The following NKAIN2 variants were observed in gnomAD, a reference collection of about 807,000 sequenced individuals.
NKAIN2 encodes sodium/potassium-transporting ATPase subunit beta-1-interacting protein 2.
In NKAIN2, 14 loss-of-function variants were observed where a neutral mutation model predicts 32.6. The observed-to-expected ratio is 0.43, with a 90% CI of 0.28 to 0.67. The LOEUF (loss-of-function observed/expected upper bound fraction) is 0.67, where lower values mean the gene tolerates loss of function less well. Ranked by LOEUF, NKAIN2 falls within the 30% of genes least tolerant of loss-of-function variation. The pLI is 0.17. For synonymous variants in NKAIN2, 80 were observed against 87.2 expected, an observed-to-expected ratio of 0.92 and a Z score of 0.46; for missense variants, 198 against 258.3, an observed-to-expected ratio of 0.77 and a Z score of 1.60.
At chr6:123,968,269 G>A (rs1053337397) in intron 1 of NKAIN2, among the ~76,000 whole-genome samples, 4 of 152,144 alleles carry the variant, frequency 2.6e-5, no homozygotes, top group African/African-American at 9.7e-5. Context: ...CCAGGGGGAC[G>A]GCTTTTCTGG....
chr6:124,484,297 G>C (rs500996), intron 3 of NKAIN2, among the ~76,000 whole-genome samples: 2 of 152,006 alleles, frequency 1.3e-5, no homozygotes, highest in Non-Finnish European at 2.9e-5. Context: ...TGAACTTGGG[G>C]TTCAACAACC....
At chr6:124,772,975 A>C (rs1778828742) in intron 4 of NKAIN2, among the ~76,000 whole-genome samples, 1 of 150,188 alleles carries the variant, frequency 6.7e-6, no homozygotes, top group African/African-American at 2.5e-5. Context: ...AGAAAGAAAA[A>C]GAACCCAAAA....
At chr6:123,858,033 A>G (rs906881368) in intron 1 of NKAIN2, among the ~76,000 whole-genome samples, 2 of 152,230 alleles carry the variant, frequency 1.3e-5, no homozygotes, top group Non-Finnish European at 2.9e-5. Context: ...TATGAAACTG[A>G]TAAAACTATC....
At chr6:124,628,856 A>G (rs1296189017) in intron 3 of NKAIN2, among the ~76,000 whole-genome samples, 2 of 152,168 alleles carry the variant, frequency 1.3e-5, no homozygotes, top group East Asian at 3.9e-4. Context: ...AAAATAATAA[A>G]CATATCTTTA....
intron 3 of NKAIN2, among the ~76,000 whole-genome samples, chr6:124,363,857 T>C (rs1799400815): frequency 6.6e-6 from 1 of 152,092 alleles, no homozygotes; most frequent in Non-Finnish European, 1.5e-5. Context: ...CAATTGAAAA[T>C]TATTACAGAT....
chr6:124,309,493 T>C (rs942490806), intron 2 of NKAIN2, among the ~76,000 whole-genome samples: 6 of 152,162 alleles, frequency 3.9e-5, no homozygotes, highest in African/African-American at 1.4e-4. Context: ...GGGTTTTAAA[T>C]AGATAAAACC....
chr6:124,300,464 T>A (rs1479220885), intron 2 of NKAIN2, among the ~76,000 whole-genome samples: 2 of 152,162 alleles, frequency 1.3e-5, no homozygotes, highest in African/African-American at 4.8e-5. Flanking sequence ...GACAATAGAC[T>A]AATATAGTAA....
At chr6:124,738,346 T>C (rs1290069306) in intron 4 of NKAIN2, among the ~76,000 whole-genome samples, 1 of 151,814 alleles carries the variant, frequency 6.6e-6, no homozygotes, top group Non-Finnish European at 1.5e-5. Context: ...ATAATAAAAA[T>C]AACTTTTAAA....
chr6:123,991,632 G>A (rs774076752), intron 1 of NKAIN2, among the ~76,000 whole-genome samples: 1 of 152,102 alleles, frequency 6.6e-6, no homozygotes, highest in African/African-American at 2.4e-5. Context: ...GGAGGCCTAG[G>A]TGGGTGGATA....
At chr6:124,457,083 C>T (rs777770442) in intron 3 of NKAIN2, among the ~76,000 whole-genome samples, 19 of 151,864 alleles carry the variant, frequency 1.3e-4, no homozygotes, top group Non-Finnish European at 2.5e-4. Context: ...CCCTGAAGCA[C>T]CTGCTCTGTG....
At chr6:124,728,072 C>A (rs1776428557) in intron 4 of NKAIN2, among the ~76,000 whole-genome samples, 1 of 151,010 alleles carries the variant, frequency 6.6e-6, no homozygotes, top group South Asian at 2.1e-4. Flanking sequence ...TCCTGAGTGA[C>A]CTACAAAGAG....
At chr6:124,030,623 T>G (rs1347373379) in intron 1 of NKAIN2, among the ~76,000 whole-genome samples, 1 of 152,190 alleles carries the variant, frequency 6.6e-6, no homozygotes, top group Non-Finnish European at 1.5e-5. Context: ...GACTCTGTTA[T>G]CACTTAAGAT....
At chr6:124,788,698 C>T (rs150794557) in intron 4 of NKAIN2, among the ~76,000 whole-genome samples, 267 of 152,186 alleles carry the variant, frequency 1.8e-3, no homozygotes, top group Middle Eastern at 3.4e-3. Flanking sequence ...TTACCTCCCA[C>T]CGGGTCCCTC....
intron 3 of NKAIN2, among the ~76,000 whole-genome samples, chr6:124,425,730 A>G (rs1004523532): frequency 3.3e-5 from 5 of 152,120 alleles, no homozygotes; most frequent in Admixed American, 6.5e-5. Flanking sequence ...TCACCAGTAA[A>G]ATGCAAATTA....
intron 3 of NKAIN2, among the ~76,000 whole-genome samples, chr6:124,621,978 T>G (rs1783123059): frequency 6.6e-6 from 1 of 152,214 alleles, no homozygotes; most frequent in Non-Finnish European, 1.5e-5. Context: ...AATCTCACAT[T>G]TAAGTTTTAT....
At chr6:123,889,029 A>C (rs1256538889) in intron 1 of NKAIN2, among the ~76,000 whole-genome samples, 1 of 152,110 alleles carries the variant, frequency 6.6e-6, no homozygotes, top group African/African-American at 2.4e-5. Flanking sequence ...AATCTACTGA[A>C]TGGCATTGAA....
At chr6:124,364,341 T>C (rs568858844) in intron 3 of NKAIN2, among the ~76,000 whole-genome samples, 5 of 151,232 alleles carry the variant, frequency 3.3e-5, no homozygotes, top group South Asian at 4.2e-4. Context: ...CAGAATTGGA[T>C]AGAAGCAATA....
chr6:124,604,958 A>G (rs1782444105), intron 3 of NKAIN2, among the ~76,000 whole-genome samples: 1 of 152,050 alleles, frequency 6.6e-6, no homozygotes, highest in African/African-American at 2.4e-5. Context: ...GACACCCATT[A>G]ATATTTGTCA....
chr6:124,730,664 T>C (rs1346088023), intron 4 of NKAIN2, among the ~76,000 whole-genome samples: 2 of 145,752 alleles, frequency 1.4e-5, no homozygotes, highest in African/African-American at 5.1e-5. Flanking sequence ...GGACTTCATG[T>C]CTAAAACACC....
Sources: gnomAD v4.1 joint callset for allele counts (sites outside exome capture counted in the v4.1 genomes callset) on GRCh38, gnomAD v4.1.1 for gene constraint, MANE v1.5 for transcripts, NCBI Gene and HGNC (gene_info 2026-07-23, HGNC 2026-07-21) for gene names.